The following RBFOX1 variants were observed in gnomAD, a reference collection of about 807,000 sequenced individuals.
RBFOX1 encodes the protein RNA binding fox-1 homolog 1.
A neutral mutation model predicts 57.7 loss-of-function variants in RBFOX1; 8 were observed. The observed-to-expected ratio is 0.14, with a 90% CI of 0.08 to 0.25. The LOEUF (loss-of-function observed/expected upper bound fraction) is 0.25, where lower values mean the gene tolerates loss of function less well. Ranked by LOEUF, RBFOX1 falls within the 10% of genes least tolerant of loss-of-function variation. The probability of loss-of-function intolerance (pLI) is 1.00; values close to 1 mark genes in which losing one functional copy is unlikely to be tolerated. For synonymous variants in RBFOX1, 326 were observed against 222.4 expected, an observed-to-expected ratio of 1.47 and a Z score of -4.15; for missense variants, 611 against 548.5, an observed-to-expected ratio of 1.11 and a Z score of -1.14.
intron 3 of RBFOX1, among the ~76,000 whole-genome samples, chr16:7,039,636 A>C (rs1219420363): frequency 6.6e-6 from 1 of 152,092 alleles, no homozygotes; most frequent in Non-Finnish European, 1.5e-5. Context: ...CGGTGGTGGG[A>C]TCTGTATTTG....
chr16:5,250,160 A>G (rs2062414393), intron 1 of RBFOX1, among the ~76,000 whole-genome samples: 1 of 152,042 alleles, frequency 6.6e-6, no homozygotes, highest in African/African-American at 2.4e-5. Flanking sequence ...GAATTTATAT[A>G]GAAAACAAAA....
At chr16:5,559,346 G>A (rs1292816488) in intron 2 of RBFOX1, among the ~76,000 whole-genome samples, 2 of 152,144 alleles carry the variant, frequency 1.3e-5, no homozygotes, top group Non-Finnish European at 2.9e-5. Context: ...AAACATTGAT[G>A]TGGAAGCCAT....
chr16:6,173,732 C>A (rs2096980588), intron 1 of RBFOX1, among the ~76,000 whole-genome samples: 1 of 151,328 alleles, frequency 6.6e-6, no homozygotes, highest in African/African-American at 2.4e-5. Flanking sequence ...GCCTGAACCT[C>A]CAGAGTAGCT....
chr16:6,645,058 G>A (rs2098522844), intron 2 of RBFOX1, among the ~76,000 whole-genome samples: 1 of 152,130 alleles, frequency 6.6e-6, no homozygotes, highest in Non-Finnish European at 1.5e-5. Flanking sequence ...CAAAGGTTCT[G>A]GGGAAGATTC....
At chr16:5,585,779 A>G (rs1040913531) in intron 2 of RBFOX1, among the ~76,000 whole-genome samples, 1 of 152,214 alleles carries the variant, frequency 6.6e-6, no homozygotes, top group African/African-American at 2.4e-5. Flanking sequence ...GGTGGATTCA[A>G]GAACTGCAGA....
intron 2 of RBFOX1, among the ~76,000 whole-genome samples, chr16:6,496,735 G>C (rs533306336): frequency 1.2e-4 from 18 of 152,232 alleles, no homozygotes; most frequent in African/African-American, 4.3e-4. Context: ...CAGGGTGGGT[G>C]GATCGCTTGA....
chr16:6,102,721 AGT>A (rs2096328898), intron 1 of RBFOX1, among the ~76,000 whole-genome samples: 1 of 152,128 alleles, frequency 6.6e-6, no homozygotes, highest in Non-Finnish European at 1.5e-5. Flanking sequence ...TCGATTTCCA[AGT>A]GTGTTACCTT....
chr16:6,195,142 A>T (rs2097171484), intron 1 of RBFOX1, among the ~76,000 whole-genome samples: 1 of 152,206 alleles, frequency 6.6e-6, no homozygotes, highest in South Asian at 2.1e-4. Context: ...CAGATGGCTT[A>T]AGAAAGGTAT....
chr16:5,869,149 A>G (rs1320863658), intron 4 of RBFOX1, among the ~76,000 whole-genome samples: 2 of 152,032 alleles, frequency 1.3e-5, no homozygotes, highest in Non-Finnish European at 2.9e-5. Context: ...CACCCAGATT[A>G]TGGCCTGGTA....
chr16:5,725,664 A>T (rs2052121634), intron 3 of RBFOX1, among the ~76,000 whole-genome samples: 1 of 151,618 alleles, frequency 6.6e-6, no homozygotes, highest in South Asian at 2.1e-4. Context: ...TATAAGGAGA[A>T]TCAGAGAGGT....
intron 3 of RBFOX1, among the ~76,000 whole-genome samples, chr16:7,031,020 A>G (rs2042652055): frequency 6.6e-6 from 1 of 152,124 alleles, no homozygotes; most frequent in African/African-American, 2.4e-5. Flanking sequence ...TTTATGACCT[A>G]GTTGGTTTGG....
At chr16:6,333,225 C>T (rs1028210093) in intron 2 of RBFOX1, among the ~76,000 whole-genome samples, 30 of 151,974 alleles carry the variant, frequency 2.0e-4, no homozygotes, top group African/African-American at 7.0e-4. Flanking sequence ...TTGTATTTTT[C>T]ATAGTGACAG....
intron 4 of RBFOX1, among the ~76,000 whole-genome samples, chr16:7,061,328 C>G (rs1017998826): frequency 1.3e-5 from 2 of 152,156 alleles, no homozygotes; most frequent in Non-Finnish European, 2.9e-5. Context: ...GTTCTCCAGT[C>G]TTTGCAAGAA....
intron 3 of RBFOX1, among the ~76,000 whole-genome samples, chr16:5,808,551 T>G (rs1052020597): frequency 2.4e-4 from 37 of 152,296 alleles, no homozygotes; most frequent in Non-Finnish European, 4.4e-4. Context: ...CTACCCATGA[T>G]CATGGAATGT....
intron 4 of RBFOX1, among the ~76,000 whole-genome samples, chr16:7,442,415 A>T (rs1369174354): frequency 6.6e-6 from 1 of 152,172 alleles, no homozygotes. Context: ...TGGGCCCTGC[A>T]ACTCTGTGAA....
chr16:7,651,092 A>G (rs924977457), intron 11 of RBFOX1, among the ~76,000 whole-genome samples: 5 of 152,184 alleles, frequency 3.3e-5, no homozygotes, highest in African/African-American at 7.2e-5. Context: ...AATAACCTTT[A>G]TGGTCTTCTC....
chr16:6,645,393 C>G (rs756604669), intron 2 of RBFOX1, among the ~76,000 whole-genome samples: 3 of 152,056 alleles, frequency 2.0e-5, no homozygotes, highest in African/African-American at 7.2e-5. Context: ...CTTCGTTGTC[C>G]GGTGTTTCTC....
At chr16:6,066,499 G>A (rs1435945977) in intron 1 of RBFOX1, among the ~76,000 whole-genome samples, 4 of 152,042 alleles carry the variant, frequency 2.6e-5, no homozygotes, top group African/African-American at 9.7e-5. Context: ...GGGAATACAT[G>A]CAGTAAGGTG....
chr16:6,302,120 A>T (rs374111853), intron 1 of RBFOX1, among the ~76,000 whole-genome samples: 40 of 152,166 alleles, frequency 2.6e-4, no homozygotes, highest in African/African-American at 8.4e-4. Context: ...CACAATGTTT[A>T]TTTCTTACCT....
Sources: allele counts gnomAD v4.1 joint callset (sites outside exome capture counted in the v4.1 genomes callset), GRCh38; gene constraint gnomAD v4.1.1; transcripts MANE v1.5; gene names NCBI Gene and HGNC (gene_info 2026-07-23, HGNC 2026-07-21).